The following SLC12A5 variants were observed in gnomAD, a reference collection of about 807,000 sequenced individuals.
SLC12A5 encodes the protein K-Cl cotransporter 2.
Under a neutral mutation model 124.0 loss-of-function variants are expected in SLC12A5, and 18 were observed. That is an observed-to-expected ratio of 0.15 (90% CI 0.10 to 0.22). The LOEUF (loss-of-function observed/expected upper bound fraction) is 0.22, where lower values mean the gene tolerates loss of function less well. Among genes scored for constraint, SLC12A5 ranks in the 10% least tolerant of loss-of-function variants. SLC12A5 has a pLI of 1.00. For missense variants in SLC12A5, 867 were observed against 1,478.7 expected (o/e 0.59, Z 6.78); for synonymous variants, 589 against 568.0 (o/e 1.04, Z -0.53).
rs1355175006 is a variant in SLC12A5 at position 46,059,421 on chromosome 20, G to A, written c.*1816G>A. 2.5e-6 allele frequency: 1 copy of A among 397,032 alleles called. No individual in the cohort carries two copies. The highest frequency in any genetic ancestry group is 1.4e-4 in the South Asian group (1 of 7,034). The allele number at this position is 397,032 out of a possible 1,614,324, so 24.6% of individuals were successfully genotyped here. ...TAGATTCTTTCAGGTACTCAATCAG[G>A]AAGCTGGAGGTGTTAGACACCAGCC... On this transcript the variant is annotated 3_prime_UTR_variant, in exon 26 of 26. Coordinates refer to ENST00000243964, the MANE Select transcript of SLC12A5 (RefSeq NM_020708.5).
At chr20:46,042,282 G>C (rs1218138582) in intron 8 of SLC12A5, among the ~76,000 whole-genome samples, 1 of 152,154 alleles carries the variant, frequency 6.6e-6, no homozygotes, top group African/African-American at 2.4e-5. Flanking sequence ...AGGGAGGGAC[G>C]TGGTCAGATC....
chr20:46,024,201 G>C (rs1266715176), downstream of SLC12A5, among the ~76,000 whole-genome samples: 1 of 151,494 alleles, frequency 6.6e-6, no homozygotes, highest in African/African-American at 2.4e-5. Flanking sequence ...CATTAGTTTT[G>C]ATGACCTGTG....
In SLC12A5 at chr20:46,051,846, C is replaced by T; in HGVS notation, c.2353C>T (p.His785Tyr). The T allele has an allele frequency of 7.3e-7, 1 of 1,376,350 alleles. No homozygotes were observed. The highest frequency in any genetic ancestry group is 9.6e-7 in the Non-Finnish European group (1 of 1,040,670). The allele number at this position is 1,376,350 out of a possible 1,614,324, so 85.3% of individuals were successfully genotyped here. A position where few individuals can be genotyped will look rare whatever the true frequency, so the allele number is the denominator to read the frequency against. The change falls in exon 18 of 26, where the codon CAT becomes TAT. Residue 785 changes from histidine (H) to tyrosine (Y), a missense_variant. His to Tyr is a moderately conservative substitution (Grantham distance 83, BLOSUM62 2). Coordinates refer to ENST00000243964, the MANE Select transcript of SLC12A5 (RefSeq NM_020708.5). ...WPRNWRQKED[H>Y]QTWRNFIELV... ...CCGCAACTGGCGCCAGAAGGAAGAT[C>T]ATCAGACGTGGAGGAACTTCATTGG...
At chr20:46,035,241 C>T in intron 2 of SLC12A5, 163 bp from the exon 3 acceptor site, 1 of 1,026,896 alleles carries the variant, frequency 9.7e-7, no homozygotes, top group Non-Finnish European at 1.5e-6. Flanking sequence ...CTCATCCTAC[C>T]ATTCTTACCC....
rs2084725127 is a variant in SLC12A5 at position 46,059,000 on chromosome 20, A to G, written c.*1395A>G. The G allele has an allele frequency of 2.9e-6, 1 of 345,534 alleles. No individual in the cohort carries two copies. Among genetic ancestry groups the G allele is most frequent in the Non-Finnish European group, 5.2e-6 (1 of 193,526 alleles). 21.4% of individuals were successfully genotyped at this position (345,534 alleles called of 1,614,324 possible). ...GTCTGCTCTCCTCTAACTAGGACCC[A>G]GGGCCTTTGGCTTCCCCAGCTCATC... On this transcript the variant is annotated 3_prime_UTR_variant, in exon 26 of 26. Transcript: ENST00000243964. This position sits in a 1 kb window ranked among gnomAD's most constrained non-coding sequence, Gnocchi z 5.8.
At position 46,053,129 on chromosome 20, in the gene SLC12A5, G is replaced by A. The variant is rs763027461; in HGVS notation, c.2547+3G>A. ...CCTTCCTGCTGCGGCACCACAAGGT[G>A]AGTTGTGTGCGTGAGTGTATGCACG... is the stretch of plus-strand genomic sequence containing the variant. On this transcript the variant is annotated splice_donor_region_variant and intron_variant, in intron 19 of 25. Coordinates refer to ENST00000243964, the MANE Select transcript of SLC12A5 (RefSeq NM_020708.5). The surrounding 1 kb of genome is among the most constrained non-coding windows in gnomAD (Gnocchi z 4.7). 2 of 1,608,172 alleles carry A rather than the reference G, an allele frequency of 1.2e-6. No individual in the cohort carries two copies. Among genetic ancestry groups the A allele is most frequent in the Admixed American group, 1.7e-5 (1 of 59,904 alleles).
At chr20:46,046,303 A>G (rs374143473) in intron 13 of SLC12A5, 35 bp from the exon 14 acceptor site, 4 of 1,581,480 alleles carry the variant, frequency 2.5e-6, no homozygotes, top group Non-Finnish European at 3.5e-6. Flanking sequence ...CTCCCTTTGC[A>G]TCTCTGTCTC....
rs75931039 is a variant in SLC12A5, at chr20:46,045,153, G to A, written c.1569+13G>A. On this transcript the variant is annotated intron_variant, in intron 12 of 25. Coordinates refer to ENST00000243964, the MANE Select transcript of SLC12A5 (RefSeq NM_020708.5). This position sits in a 1 kb window ranked among gnomAD's most constrained non-coding sequence, Gnocchi z 4.9. ...GCCCTTCCTGCAGGTCAGTGTGGGAGAAGAACAGCCCACCCTCAGTAGACC... is the reference window on the plus strand; with the variant it reads ...GCCCTTCCTGCAGGTCAGTGTGGGAAAAGAACAGCCCACCCTCAGTAGACC... The A allele has an allele frequency of 5.2e-4, 816 of 1,555,740 alleles. 2 individuals are homozygous for A. The African/African-American group carries it at 9.9e-3, about 19-fold the overall frequency.
intron 7 of SLC12A5, chr20:46,041,069 C>T: frequency 4.6e-6 from 2 of 438,398 alleles, no homozygotes; most frequent in South Asian, 4.7e-5. Context: ...AGGGCGGCCC[C>T]CGAGACCGCT....
At chr20:46,043,033 C>T in intron 8 of SLC12A5, 120 bp from the exon 9 acceptor site, 1 of 960,260 alleles carries the variant, frequency 1.0e-6, no homozygotes, top group Admixed American at 2.2e-5. Flanking sequence ...AGAGATAAGG[C>T]CGGGGAGAGT....
intron 18 of SLC12A5, among the ~76,000 whole-genome samples, chr20:46,052,586 G>A (rs1346480299): frequency 2.0e-5 from 3 of 152,194 alleles, no homozygotes; most frequent in Admixed American, 6.5e-5. Flanking sequence ...GAACCAGCCC[G>A]GAGGCTACAC....
rs6094246 is a variant in SLC12A5 at position 46,059,205 on chromosome 20, C to G, written c.*1600C>G. 4.3e-6 allele frequency: 1 copy of G among 233,592 alleles called. No individual in the cohort carries two copies. The highest frequency in any genetic ancestry group is 8.3e-5 in the East Asian group (1 of 12,006). 14.5% of individuals were successfully genotyped at this position (233,592 alleles called of 1,614,324 possible). On this transcript the variant is annotated 3_prime_UTR_variant, in exon 26 of 26. Transcript: ENST00000243964. ...AGCCCCAGGGCCCTGACCTGCGCAC[C>G]TAGCTTGACATCTCACGCACCTCCC...
chr20:46,039,707 G>A (rs2084528888), intron 6 of SLC12A5, among the ~76,000 whole-genome samples: 1 of 152,036 alleles, frequency 6.6e-6, no homozygotes, highest in Non-Finnish European at 1.5e-5. Flanking sequence ...CCCAGGAGGT[G>A]GAGGTTGCAG....
rs1357953426 is a variant in SLC12A5, at chr20:46,043,289, C to T, written c.1203C>T (p.Thr401=). ...TCAGTGATATGACCTCCTACTTCAC[C>T]CTGCTGGTTGGCATCTACTTCCCCT... ...YVFSDMTSYF[T]LLVGIYFPSV... Residue 401 remains threonine, a synonymous_variant, in exon 9 of 26, where the codon ACC becomes ACT. Coordinates refer to ENST00000243964, the MANE Select transcript of SLC12A5 (RefSeq NM_020708.5). The T allele has an allele frequency of 6.8e-6, 11 of 1,613,964 alleles. No individual in the cohort carries two copies. In the Middle Eastern group the frequency reaches 8.2e-4, roughly 121 times the overall value.
upstream of SLC12A5, among the ~76,000 whole-genome samples, chr20:46,026,639 C>T (rs551913512): frequency 8.9e-4 from 136 of 152,312 alleles, no homozygotes; most frequent in Non-Finnish European, 1.1e-3. Flanking sequence ...TAATAGAGCA[C>T]TAAGAGTTTT....
At chr20:46,023,205 C>T (rs1185597878) in intron 2 of SLC12A5, 2 of 397,962 alleles carry the variant, frequency 5.0e-6, no homozygotes, top group Non-Finnish European at 4.4e-6. Flanking sequence ...GTCCCGGGAA[C>T]CGAACGCCTC....
intron 17 of SLC12A5, among the ~76,000 whole-genome samples, chr20:46,051,004 A>C (rs907437768): frequency 1.3e-5 from 2 of 152,108 alleles, no homozygotes; most frequent in African/African-American, 4.8e-5. Context: ...CACAGCCAGG[A>C]GGTGGCAGAG....
At chr20:46,025,868 G>A (rs943077336), upstream of SLC12A5, among the ~76,000 whole-genome samples, 7 of 152,316 alleles carry the variant, frequency 4.6e-5, no homozygotes, top group South Asian at 2.1e-4. Flanking sequence ...GCCACAGCCA[G>A]CGGTGGGTGG....
chr20:46,021,763 G>A (rs1415058924), upstream of SLC12A5: 7 of 1,533,628 alleles, frequency 4.6e-6, no homozygotes, highest in Non-Finnish European at 6.1e-6. Flanking sequence ...TCCTTTCCGC[G>A]CCATGAGCCG....
Sources: allele counts gnomAD v4.1 joint callset (sites outside exome capture counted in the v4.1 genomes callset), GRCh38; gene constraint gnomAD v4.1.1; non-coding constraint Gnocchi (gnomAD v3.1); transcripts MANE v1.5; gene names NCBI Gene and HGNC (gene_info 2026-07-23, HGNC 2026-07-21).